FHOD3: variants seen among roughly 807,000 people sequenced by gnomAD.
FHOD3 encodes the protein formin homology 2 domain containing 3.
FHOD3 carries 90 observed loss-of-function variants against 173.0 expected under a neutral mutation model. That is an observed-to-expected ratio of 0.52 (90% CI 0.44 to 0.62). The LOEUF (loss-of-function observed/expected upper bound fraction) is 0.62. FHOD3 is among the 20% of genes least tolerant of loss of function. The pLI, the probability that FHOD3 is intolerant of heterozygous loss-of-function variation, is 0.00. For missense variants in FHOD3, 1,945 were observed against 2,034.7 expected, an observed-to-expected ratio of 0.96 and a Z score of 0.85; for synonymous variants, 828 against 823.0, an observed-to-expected ratio of 1.01 and a Z score of -0.10.
chr18:36,568,442 A>G (rs564113301), intron 5 of FHOD3, among the ~76,000 whole-genome samples: 14 of 148,182 alleles, frequency 9.4e-5, no homozygotes, highest in Non-Finnish European at 2.1e-4. Flanking sequence ...GGAACGTGAA[A>G]GTTTTATGTG....
At chr18:36,734,418 C>T (rs975118114) in intron 20 of FHOD3, among the ~76,000 whole-genome samples, 2 of 152,180 alleles carry the variant, frequency 1.3e-5, no homozygotes, top group African/African-American at 4.8e-5. Flanking sequence ...TACATTGTCA[C>T]ATGCCCCCTA....
intron 3 of FHOD3, among the ~76,000 whole-genome samples, chr18:36,432,400 A>G (rs1343508191): frequency 2.6e-5 from 4 of 152,234 alleles, no homozygotes; most frequent in African/African-American, 9.6e-5. Context: ...TCAGTGGACT[A>G]AGATATCAGA....
chr18:36,726,472 A>C (rs2041076154), intron 19 of FHOD3, among the ~76,000 whole-genome samples: 1 of 150,796 alleles, frequency 6.6e-6, no homozygotes, highest in Admixed American at 6.6e-5. Context: ...GTCACATCTC[A>C]CTCCCTCTTT....
intron 1 of FHOD3, among the ~76,000 whole-genome samples, chr18:36,298,861 A>G (rs1171485926): frequency 6.6e-6 from 1 of 152,062 alleles, no homozygotes; most frequent in Non-Finnish European, 1.5e-5. Flanking sequence ...ATTGAAAGCT[A>G]ATCATTTCGT....
chr18:36,403,063 G>A (rs2048900223), intron 3 of FHOD3, among the ~76,000 whole-genome samples: 1 of 152,204 alleles, frequency 6.6e-6, no homozygotes. Context: ...CCATGAGGGT[G>A]CAGGGTGCAG....
At chr18:36,332,315 A>C (rs2045058656) in intron 1 of FHOD3, among the ~76,000 whole-genome samples, 1 of 152,172 alleles carries the variant, frequency 6.6e-6, no homozygotes, top group African/African-American at 2.4e-5. Context: ...TATTTATTTC[A>C]GAGTGTGGCT....
chr18:36,314,612 A>G (rs1370369815), intron 1 of FHOD3, among the ~76,000 whole-genome samples: 1 of 152,140 alleles, frequency 6.6e-6, no homozygotes, highest in Non-Finnish European at 1.5e-5. Context: ...TGGTTTTTGA[A>G]TGAGTTTTAT....
intron 2 of FHOD3, among the ~76,000 whole-genome samples, chr18:36,367,099 G>T (rs796638698): frequency 6.6e-6 from 1 of 152,152 alleles, no homozygotes; most frequent in Non-Finnish European, 1.5e-5. Context: ...AAACATGCAG[G>T]TTTCTGTGAA....
chr18:36,298,203 G>A (rs1200766289), intron 1 of FHOD3, among the ~76,000 whole-genome samples: 1 of 152,152 alleles, frequency 6.6e-6, no homozygotes, highest in African/African-American at 2.4e-5. Context: ...CTCCGGGGCG[G>A]GCGGGAAGGA....
At chr18:36,368,008 A>C (rs1358134481) in intron 2 of FHOD3, among the ~76,000 whole-genome samples, 3 of 150,908 alleles carry the variant, frequency 2.0e-5, no homozygotes, top group African/African-American at 7.3e-5. Flanking sequence ...CTCCCCAGCC[A>C]TGTGGAACTG....
At chr18:36,351,404 A>G (rs1186366533) in intron 1 of FHOD3, among the ~76,000 whole-genome samples, 1 of 152,168 alleles carries the variant, frequency 6.6e-6, no homozygotes, top group Non-Finnish European at 1.5e-5. Flanking sequence ...GTCTCTGCTA[A>G]CGATAGCAGA....
At chr18:36,743,295 C>G (rs1215989903) in intron 22 of FHOD3, among the ~76,000 whole-genome samples, 1 of 100,194 alleles carries the variant, frequency 1.0e-5, no homozygotes, top group South Asian at 3.6e-4. Context: ...GGTGACAGAG[C>G]AAGACTCTGT....
At chr18:36,722,599 T>C (rs2040846154) in intron 19 of FHOD3, among the ~76,000 whole-genome samples, 1 of 151,918 alleles carries the variant, frequency 6.6e-6, no homozygotes. Context: ...TGGCCTGGGT[T>C]ATTTTTCTTA....
chr18:36,468,191 G>A (rs995162716), intron 3 of FHOD3, among the ~76,000 whole-genome samples: 2 of 152,180 alleles, frequency 1.3e-5, no homozygotes, highest in African/African-American at 4.8e-5. Context: ...AGGGACCCAG[G>A]CTGCTGGCTG....
intron 3 of FHOD3, among the ~76,000 whole-genome samples, chr18:36,373,411 G>A (rs1016321424): frequency 6.6e-6 from 1 of 151,412 alleles, no homozygotes; most frequent in South Asian, 2.1e-4. Context: ...AATCAAAAGA[G>A]CGTAGATCAT....
intron 3 of FHOD3, among the ~76,000 whole-genome samples, chr18:36,490,696 C>T (rs748305245): frequency 1.8e-4 from 27 of 152,134 alleles, no homozygotes; most frequent in Admixed American, 9.8e-4. Context: ...TCATCATCTC[C>T]GCCAACTGTA....
chr18:36,691,022 T>C (rs2038931091), intron 16 of FHOD3, among the ~76,000 whole-genome samples: 1 of 152,210 alleles, frequency 6.6e-6, no homozygotes, highest in Non-Finnish European at 1.5e-5. Context: ...AGTGATGGCA[T>C]CTGTGAGGCC....
intron 2 of FHOD3, among the ~76,000 whole-genome samples, chr18:36,371,221 C>T (rs984312647): frequency 1.6e-4 from 24 of 152,170 alleles, no homozygotes; most frequent in African/African-American, 5.8e-4. Context: ...GCATGCTTTG[C>T]AATTATGCAG....
At chr18:36,616,682 C>G (rs1829600428) in intron 9 of FHOD3, among the ~76,000 whole-genome samples, 1 of 152,236 alleles carries the variant, frequency 6.6e-6, no homozygotes, top group African/African-American at 2.4e-5. Flanking sequence ...AGTGTCCTGA[C>G]AGCCGCTTCA....
Sources: gnomAD v4.1 joint callset for allele counts (sites outside exome capture counted in the v4.1 genomes callset) on GRCh38, gnomAD v4.1.1 for gene constraint, MANE v1.5 for transcripts, NCBI Gene and HGNC (gene_info 2026-07-23, HGNC 2026-07-21) for gene names.